BCL2L1: variants seen among roughly 807,000 people sequenced by gnomAD.
The protein encoded by BCL2L1 is BCL2 like 1.
Under a neutral mutation model 18.7 loss-of-function variants are expected in BCL2L1, and 1 was observed. The observed-to-expected ratio is 0.05, with a 90% CI of 0.02 to 0.25. The LOEUF (loss-of-function observed/expected upper bound fraction) is 0.25, where lower values mean the gene tolerates loss of function less well. BCL2L1 is among the 10% of genes least tolerant of loss of function. The pLI is 1.00. For synonymous variants in BCL2L1, 103 were observed against 122.7 expected (o/e 0.84, Z 1.06); for missense variants, 207 against 304.9 (o/e 0.68, Z 2.39).
intron 2 of BCL2L1, among the ~76,000 whole-genome samples, chr20:31,696,295 G>A (rs1480360642): frequency 6.6e-6 from 1 of 152,234 alleles, no homozygotes; most frequent in African/African-American, 2.4e-5. Flanking sequence ...GGCTGCCTGA[G>A]TGTCCTTGGC....
chr20:31,718,941 T>C (rs3181074), intron 2 of BCL2L1, among the ~76,000 whole-genome samples: 1,679 of 152,310 alleles, frequency 0.011, 22 homozygotes, highest in African/African-American at 0.038. Flanking sequence ...CCTGGACAAC[T>C]TGATAGGATG....
Position 31,665,751 on chromosome 20 carries a change from T to C in BCL2L1, c.*198A>G, listed in dbSNP as rs2060576325. 1.4e-6 allele frequency: 1 copy of C among 690,864 alleles called. No homozygotes were observed. Among genetic ancestry groups the C allele is most frequent in the Non-Finnish European group, 2.4e-6 (1 of 423,714 alleles). 42.8% of individuals were successfully genotyped at this position (690,864 alleles called of 1,614,324 possible). A position where few individuals can be genotyped will look rare whatever the true frequency, so the allele number is the denominator to read the frequency against. On this transcript the variant is annotated 3_prime_UTR_variant, in exon 3 of 3. Transcript: ENST00000307677. ...TTGTGAATTCTGAGGCCAAGGGAAC[T>C]GAGGTGTGGGGGTCTCACAGAAGTG...
At chr20:31,668,984 A>G (rs1431021944) in intron 2 of BCL2L1, among the ~76,000 whole-genome samples, 1 of 152,086 alleles carries the variant, frequency 6.6e-6, no homozygotes, top group East Asian at 1.9e-4. Context: ...TTCCTGCCTC[A>G]GCCTCCTGAT....
At chr20:31,696,843 G>A (rs1291056968) in intron 2 of BCL2L1, among the ~76,000 whole-genome samples, 1 of 152,038 alleles carries the variant, frequency 6.6e-6, no homozygotes, top group African/African-American at 2.4e-5. Context: ...ATCATCTGAG[G>A]TCAGGAGTTC....
In BCL2L1 at chr20:31,721,873, G is replaced by C. The variant is rs776985963; in HGVS notation, c.346C>G (p.Pro116Ala). 18 of 1,614,062 alleles carry C rather than the reference G, an allele frequency of 1.1e-5. No individual in the cohort carries two copies. The highest frequency in any genetic ancestry group is 1.0e-4 in the Admixed American group (6 of 59,998). Residue 116 changes from proline (P) to alanine (A), a missense_variant, in exon 2 of 3, where the codon CCA becomes GCA. Coordinates refer to ENST00000307677, the MANE Select transcript of BCL2L1 (RefSeq NM_138578.3). ...SDLTSQLHIT[P>A]GTAYQSFEQV... ...TCAAAGCTCTGATATGCTGTCCCTG[G>C]GGTGATGTGGAGCTGGGATGTCAGG... is the stretch of plus-strand genomic sequence containing the variant.
intron 2 of BCL2L1, among the ~76,000 whole-genome samples, chr20:31,685,249 A>C (rs934146461): frequency 2.0e-5 from 3 of 151,998 alleles, no homozygotes; most frequent in African/African-American, 7.3e-5. Context: ...AAATACAAAA[A>C]ATTAGCCAGG....
intron 2 of BCL2L1, among the ~76,000 whole-genome samples, chr20:31,698,447 G>C (rs1016993511): frequency 6.6e-6 from 1 of 151,950 alleles, no homozygotes; most frequent in African/African-American, 2.4e-5. Context: ...TACTGCTCAG[G>C]CTGATGTTGA....
At chr20:31,697,866 C>A (rs1352025669) in intron 2 of BCL2L1, among the ~76,000 whole-genome samples, 1 of 138,702 alleles carries the variant, frequency 7.2e-6, no homozygotes, top group Admixed American at 7.1e-5. Flanking sequence ...AACCACTGAA[C>A]AGAATCCTCA....
rs183298181 is a variant in BCL2L1, at chr20:31,704,178, A to C, written c.564+17477T>G. On this transcript the variant is annotated intron_variant, in intron 2 of 2. Transcript: ENST00000307677. The stretch of plus-strand genomic sequence containing the variant: ...GAGTGCAGTGGCGCGATCTCAGCTC[A>C]CTGCAACCTATGCCTCCCAGGTTCA... Among the ~76,000 whole-genome samples, 289 of 142,804 alleles carry C rather than the reference A, an allele frequency of 2.0e-3. 6 individuals are homozygous for C. Among genetic ancestry groups the C allele is most frequent in the Non-Finnish European group, 5.2e-4 (35 of 66,740 alleles). The allele number at this position is 142,804 out of a possible 152,430, so 93.7% of individuals were successfully genotyped here. A position where few individuals can be genotyped will look rare whatever the true frequency, so the allele number is the denominator to read the frequency against.
chr20:31,709,779 G>A (rs138327203), intron 2 of BCL2L1, among the ~76,000 whole-genome samples: 14 of 146,762 alleles, frequency 9.5e-5, no homozygotes, highest in Non-Finnish European at 1.9e-4. Flanking sequence ...AGCTTGCAGT[G>A]AGCCGAGATC....
intron 2 of BCL2L1, among the ~76,000 whole-genome samples, chr20:31,708,231 G>A (rs1231855312): frequency 6.6e-6 from 1 of 152,186 alleles, no homozygotes; most frequent in Non-Finnish European, 1.5e-5. Context: ...GAGAGAAACA[G>A]AAGGGGGCAA....
At chr20:31,689,621 A>C (rs1415367978) in intron 2 of BCL2L1, among the ~76,000 whole-genome samples, 1 of 152,150 alleles carries the variant, frequency 6.6e-6, no homozygotes, top group East Asian at 1.9e-4. Flanking sequence ...CTTTAAAATC[A>C]GTCTCTTCCA....
chr20:31,697,919 G>C (rs1230033217), intron 2 of BCL2L1, among the ~76,000 whole-genome samples: 7 of 61,704 alleles, frequency 1.1e-4, no homozygotes, highest in Non-Finnish European at 2.1e-4. Flanking sequence ...ACGGAGTCTC[G>C]CTTTGTTGCC....
At chr20:31,711,047 T>C (rs2061446098) in intron 2 of BCL2L1, among the ~76,000 whole-genome samples, 1 of 152,146 alleles carries the variant, frequency 6.6e-6, no homozygotes, top group Non-Finnish European at 1.5e-5. Flanking sequence ...GTGGACACAT[T>C]AGGGAGCCTC....
intron 2 of BCL2L1, among the ~76,000 whole-genome samples, chr20:31,681,552 G>C (rs1390040308): frequency 6.6e-6 from 1 of 152,178 alleles, no homozygotes; most frequent in Non-Finnish European, 1.5e-5. Context: ...GAGGTGGGAG[G>C]ACTGCTGGAG....
chr20:31,709,668 C>T lies in BCL2L1; in HGVS notation c.564+11987G>A, dbSNP rs563400789. Among the ~76,000 whole-genome samples, 497 of 151,604 alleles carry T rather than the reference C, an allele frequency of 3.3e-3. 3 individuals are homozygous for T. The highest frequency in any genetic ancestry group is 0.011 in the African/African-American group (471 of 41,390). On this transcript the variant is annotated intron_variant, in intron 2 of 2. Transcript: ENST00000307677. ...CTAACACGGTGAAACCCCGTCTCTA[C>T]TAAAAATACAAAAAAAATTAGCCGG...
intron 2 of BCL2L1, among the ~76,000 whole-genome samples, chr20:31,715,256 A>G (rs2061513557): frequency 6.7e-6 from 1 of 150,138 alleles, no homozygotes; most frequent in African/African-American, 2.5e-5. Context: ...TGGGAGACAG[A>G]GAAAGACTCT....
At chr20:31,708,084 A>C (rs1191366970) in intron 2 of BCL2L1, among the ~76,000 whole-genome samples, 3 of 152,146 alleles carry the variant, frequency 2.0e-5, no homozygotes, top group African/African-American at 7.2e-5. Context: ...TTTTAACATC[A>C]CACTGAGATG....
intron 2 of BCL2L1, among the ~76,000 whole-genome samples, chr20:31,709,840 CAAA>C (rs56937786): frequency 2.7e-3 from 171 of 64,042 alleles, no homozygotes; most frequent in Non-Finnish European, 5.0e-3. Context: ...GACTCCATCT[CAAA>C]AAAAAAAAAA....
Sources: gnomAD v4.1 joint callset for allele counts (sites outside exome capture counted in the v4.1 genomes callset) on GRCh38, gnomAD v4.1.1 for gene constraint, MANE v1.5 for transcripts, NCBI Gene and HGNC (gene_info 2026-07-23, HGNC 2026-07-21) for gene names.